Variants in PROX1 observed in about 807,000 individuals in gnomAD.
PROX1 encodes the protein prospero homeobox 1.
In PROX1, 7 loss-of-function variants were observed where a neutral mutation model predicts 58.8. The ratio of observed to expected loss-of-function variants is 0.12; its 90% CI spans 0.07 to 0.22. PROX1 has a LOEUF of 0.22. Among genes scored for constraint, PROX1 ranks in the 10% least tolerant of loss-of-function variants. The pLI, the probability that PROX1 is intolerant of heterozygous loss-of-function variation, is 1.00. For synonymous variants in PROX1, 350 were observed against 358.3 expected (o/e 0.98, Z 0.26); for missense variants, 675 against 927.8 (o/e 0.73, Z 3.54).
chr1:213,995,105 C>T (rs1462230142), intron 1 of PROX1, among the ~76,000 whole-genome samples: 1 of 152,040 alleles, frequency 6.6e-6, no homozygotes, highest in Non-Finnish European at 1.5e-5. Flanking sequence ...AGACACTCTG[C>T]ATGCTGCCTT....
intron 1 of PROX1, among the ~76,000 whole-genome samples, chr1:213,992,272 G>A (rs1462184643): frequency 2.0e-5 from 3 of 152,180 alleles, no homozygotes; most frequent in East Asian, 1.9e-4. Context: ...ACCTGATAAC[G>A]CAATCTTAGT....
chr1:214,041,329 G>C lies in PROX1; in HGVS notation c.*5495G>C, dbSNP rs1664999538. On this transcript the variant is annotated 3_prime_UTR_variant, in exon 5 of 5. Coordinates refer to ENST00000366958, the MANE Select transcript of PROX1 (RefSeq NM_001270616.2). ...TATCCAATTGTAGGACAGTAGGCTA[G>C]TTGTGCCAGTAATGTCAAGTATGGA... 6.6e-6 allele frequency: 1 copy of C among 152,200 alleles called. No homozygotes were observed. 9.4% of individuals were successfully genotyped at this position (152,200 alleles called of 1,614,324 possible). A position where few individuals can be genotyped will look rare whatever the true frequency, so the allele number is the denominator to read the frequency against.
chr1:214,002,325 C>T (rs1045739257), intron 2 of PROX1, among the ~76,000 whole-genome samples: 1 of 151,930 alleles, frequency 6.6e-6, no homozygotes, highest in African/African-American at 2.4e-5. Context: ...AGCTGCAGTA[C>T]CCTGCTTCTC....
At chr1:213,988,665 G>A (rs1662901579) in intron 1 of PROX1, 182 bp downstream of exon 1, 1 of 152,192 alleles carries the variant, frequency 6.6e-6, no homozygotes, top group Non-Finnish European at 1.5e-5. Flanking sequence ...CCTCTAAACA[G>A]TTTCTAAGCG....
In PROX1 at chr1:214,035,945, T is replaced by A; in HGVS notation, c.*111T>A. On this transcript the variant is annotated 3_prime_UTR_variant, in exon 5 of 5. Transcript: ENST00000366958. Reference sequence around the variant, plus strand: ...TATATATGTGTATGGGAGGCATGGATATGTTATGAAATCAGCTGGTAATTC... The same window carrying A: ...TATATATGTGTATGGGAGGCATGGAAATGTTATGAAATCAGCTGGTAATTC... 1.1e-6 allele frequency: 1 copy of A among 912,060 alleles called. No individual in the cohort carries two copies. Among genetic ancestry groups the A allele is most frequent in the Non-Finnish European group, 1.5e-6 (1 of 649,780 alleles). The allele number at this position is 912,060 out of a possible 1,614,324, so 56.5% of individuals were successfully genotyped here.
chr1:214,038,700 G>T lies in PROX1; in HGVS notation c.*2866G>T, dbSNP rs1664909671. ...CAGTTTTTTCCCAACAAGTACAATT[G>T]TTCTTGTGCCTTCTGTGGCTTTCGA... On this transcript the variant is annotated 3_prime_UTR_variant, in exon 5 of 5. Transcript: ENST00000366958. 1 of 152,070 alleles carries T rather than the reference G, an allele frequency of 6.6e-6. No individual in the cohort carries two copies. The highest frequency in any genetic ancestry group is 2.4e-5 in the African/African-American group (1 of 41,414). 9.4% of individuals were successfully genotyped at this position (152,070 alleles called of 1,614,324 possible). A position where few individuals can be genotyped will look rare whatever the true frequency, so the allele number is the denominator to read the frequency against.
At chr1:213,986,367 T>C (rs564802929), upstream of PROX1, 1 of 152,220 alleles carries the variant, frequency 6.6e-6, no homozygotes, top group African/African-American at 2.4e-5. Context: ...TCCTTTTCAC[T>C]GTTTGAAATT....
At position 214,041,240 on chromosome 1, in the gene PROX1, A is replaced by G. The variant is rs1475104417; in HGVS notation, c.*5406A>G. On this transcript the variant is annotated 3_prime_UTR_variant, in exon 5 of 5. Coordinates refer to ENST00000366958, the MANE Select transcript of PROX1 (RefSeq NM_001270616.2). ...TGCAAGCTTGTGCAAAATAAAATAT[A>G]CATTACAAGCTCAGTGCCGTTTGAT... 6.6e-6 allele frequency: 1 copy of G among 152,182 alleles called. No individual in the cohort carries two copies. Among genetic ancestry groups the G allele is most frequent in the Admixed American group, 6.5e-5 (1 of 15,278 alleles). The allele number at this position is 152,182 out of a possible 1,614,324, so 9.4% of individuals were successfully genotyped here. A position where few individuals can be genotyped will look rare whatever the true frequency, so the allele number is the denominator to read the frequency against.
In PROX1 at chr1:213,997,812, A is replaced by G; in HGVS notation, c.1277A>G (p.Asn426Ser). 2 of 1,614,196 alleles carry G rather than the reference A, an allele frequency of 1.2e-6. No homozygotes were observed. The highest frequency in any genetic ancestry group is 1.7e-6 in the Non-Finnish European group (2 of 1,180,040). The change falls in exon 2 of 5, where the codon AAT becomes AGT. Residue 426 changes from asparagine to serine, a missense_variant. Around this residue, in one of 8 missense-constraint regions of PROX1, gnomAD observed 403 missense variants for 477.4 expected, o/e 0.84. Coordinates refer to ENST00000366958, the MANE Select transcript of PROX1 (RefSeq NM_001270616.2). The surrounding 1 kb of genome is among the most constrained non-coding windows in gnomAD (Gnocchi z 7.1). ...IIPNPLDTFGNVQMASSTDQT... is the reference protein window; with the variant it reads ...IIPNPLDTFGSVQMASSTDQT... ...CCGAACCCCCTGGACACCTTTGGCA[A>G]TGTGCAGATGGCCAGTTCCACTGAC...
At chr1:214,020,581 T>C (rs1389555651) in intron 4 of PROX1, among the ~76,000 whole-genome samples, 2 of 152,222 alleles carry the variant, frequency 1.3e-5, no homozygotes, top group African/African-American at 4.8e-5. Flanking sequence ...CTACATTAGC[T>C]GCAGTAAATT....
At chr1:214,010,602 G>A (rs745313574) in intron 3 of PROX1, among the ~76,000 whole-genome samples, 2 of 152,196 alleles carry the variant, frequency 1.3e-5, no homozygotes, top group Non-Finnish European at 2.9e-5. Context: ...GACTTGGCAA[G>A]TTGAGACTCA....
At chr1:214,002,890 T>A (rs1173999525) in intron 2 of PROX1, among the ~76,000 whole-genome samples, 1 of 152,246 alleles carries the variant, frequency 6.6e-6, no homozygotes, top group Non-Finnish European at 1.5e-5. Context: ...AATAGTTTAT[T>A]AGAAACATAT....
chr1:214,035,633 C>A lies in PROX1; in HGVS notation c.2029-16C>A, dbSNP rs778304621. On this transcript the variant is annotated splice_polypyrimidine_tract_variant and intron_variant, in intron 4 of 4. Transcript: ENST00000366958. ...CTGAAAACTTTATTAATGCCATTGT[C>A]TCCTTGTATCAGCAGGTTCCAGAGA... The A allele has an allele frequency of 3.8e-6, 6 of 1,596,952 alleles. No individual in the cohort carries two copies. In the African/African-American group the frequency reaches 5.4e-5, roughly 14 times the overall value.
chr1:214,020,947 G>A (rs555768908), intron 4 of PROX1, among the ~76,000 whole-genome samples: 4 of 152,310 alleles, frequency 2.6e-5, no homozygotes, highest in Admixed American at 2.6e-4. Context: ...GTACCGGGTT[G>A]CTGAGATTTT....
intron 4 of PROX1, among the ~76,000 whole-genome samples, chr1:214,017,974 T>C (rs541662456): frequency 6.6e-6 from 1 of 152,356 alleles, no homozygotes; most frequent in South Asian, 2.1e-4. Flanking sequence ...AGTTCTCTTC[T>C]GAGAGCTGCT....
At chr1:214,034,850 C>G (rs1433596012) in intron 4 of PROX1, among the ~76,000 whole-genome samples, 6 of 152,138 alleles carry the variant, frequency 3.9e-5, no homozygotes, top group Non-Finnish European at 8.8e-5. Flanking sequence ...GGGATAATAA[C>G]ACCCCTTAGA....
upstream of PROX1, among the ~76,000 whole-genome samples, chr1:213,983,627 T>C (rs1662753052): frequency 1.3e-5 from 2 of 152,130 alleles, no homozygotes; most frequent in South Asian, 4.1e-4. Flanking sequence ...GAACCAAAGA[T>C]GGTGGGCAAG....
In PROX1 at chr1:214,040,694, A is replaced by C. The variant is rs1480199932; in HGVS notation, c.*4860A>C. On this transcript the variant is annotated 3_prime_UTR_variant, in exon 5 of 5. Transcript: ENST00000366958. ...ATAGCATTATTAAGCTCTTTTTTGT[A>C]ATAAAGACCCTTTGATTTGAATATA... 6.6e-6 allele frequency: 1 copy of C among 152,126 alleles called. No homozygotes were observed. The highest frequency in any genetic ancestry group is 1.5e-5 in the Non-Finnish European group (1 of 68,004). The allele number at this position is 152,126 out of a possible 1,614,324, so 9.4% of individuals were successfully genotyped here.
intron 1 of PROX1, among the ~76,000 whole-genome samples, chr1:213,991,780 A>G (rs1663046567): frequency 1.3e-5 from 2 of 152,316 alleles, no homozygotes; most frequent in East Asian, 1.9e-4. Flanking sequence ...CTTTTCATGA[A>G]TGTCTTATAT....
Sources: gnomAD v4.1 joint callset for allele counts (sites outside exome capture counted in the v4.1 genomes callset) on GRCh38, gnomAD v4.1.1 for gene constraint, gnomAD v4.1.1 regional missense constraint, Gnocchi (gnomAD v3.1) non-coding constraint, MANE v1.5 for transcripts, NCBI Gene and HGNC (gene_info 2026-07-23, HGNC 2026-07-21) for gene names.